ETV6: variants seen among roughly 807,000 people sequenced by gnomAD.
ETV6 encodes ETS variant transcription factor 6, also known as transcription factor ETV6.
Under a neutral mutation model 51.1 loss-of-function variants are expected in ETV6, and 16 were observed. That is an observed-to-expected ratio of 0.31 (90% CI 0.21 to 0.48). ETV6 has a LOEUF of 0.48. ETV6 is among the 20% of genes least tolerant of loss of function. The probability of loss-of-function intolerance (pLI) is 0.99; values close to 1 mark genes in which losing one functional copy is unlikely to be tolerated. For missense variants in ETV6, 458 were observed against 594.8 expected, an observed-to-expected ratio of 0.77 and a Z score of 2.39; for synonymous variants, 240 against 224.1, an observed-to-expected ratio of 1.07 and a Z score of -0.64.
intron 2 of ETV6, among the ~76,000 whole-genome samples, chr12:11,783,954 C>T (rs958797691): frequency 1.1e-4 from 17 of 152,112 alleles, no homozygotes; most frequent in African/African-American, 1.9e-4. Flanking sequence ...GTCCCCCCAC[C>T]GCGTGGCATC....
chr12:11,885,658 A>C (rs1947172305), intron 6 of ETV6, among the ~76,000 whole-genome samples: 1 of 152,198 alleles, frequency 6.6e-6, no homozygotes, highest in Admixed American at 6.5e-5. Context: ...CTGCTATGGG[A>C]TCTGCTTTAT....
chr12:11,836,710 C>T (rs1299180526), intron 2 of ETV6, among the ~76,000 whole-genome samples: 1 of 152,178 alleles, frequency 6.6e-6, no homozygotes, highest in African/African-American at 2.4e-5. Flanking sequence ...CACCCACCTC[C>T]CTCCGTTGCA....
Position 11,859,118 on chromosome 12 carries a change from G to GCTTTTTT in ETV6, c.463+5557_463+5558insCTTTTTT, listed in dbSNP as rs1565555150. 2.1e-3 allele frequency among the ~76,000 whole-genome samples: 88 copies of GCTTTTTT among 41,800 alleles called. 43 individuals are homozygous for GCTTTTTT. Among genetic ancestry groups the GCTTTTTT allele is most frequent in the African/African-American group, 4.0e-3 (58 of 14,398 alleles). 27.4% of individuals were successfully genotyped at this position (41,800 alleles called of 152,430 possible). ...TAAAGAAGATGAGGTATATGAATCT[G>GCTTTTTT]GTTTTTTTTTTTTTTTTTTTTTTTT... On this transcript the variant is annotated intron_variant, in intron 4 of 7. Coordinates refer to ENST00000396373, the MANE Select transcript of ETV6 (RefSeq NM_001987.5).
chr12:11,792,778 C>T (rs1945621117), intron 2 of ETV6, among the ~76,000 whole-genome samples: 1 of 151,918 alleles, frequency 6.6e-6, no homozygotes. Flanking sequence ...CCAAACAATT[C>T]TTATTTGCAG....
intron 1 of ETV6, among the ~76,000 whole-genome samples, chr12:11,708,242 T>A (rs374142218): frequency 6.7e-6 from 1 of 150,014 alleles, no homozygotes; most frequent in African/African-American, 2.5e-5. Context: ...AAGTTTAGGG[T>A]TGGGGAGTCT....
intron 1 of ETV6, among the ~76,000 whole-genome samples, chr12:11,676,568 C>G (rs1045234435): frequency 2.6e-5 from 4 of 152,212 alleles, no homozygotes; most frequent in African/African-American, 9.6e-5. Flanking sequence ...CCTTCTATCT[C>G]TCTTATCCCA....
In ETV6 at chr12:11,891,757, T is replaced by C. The variant is rs1205333880; in HGVS notation, c.*711T>C. 1.0e-5 allele frequency: 4 copies of C among 386,546 alleles called. No individual in the cohort carries two copies. Among genetic ancestry groups the C allele is most frequent in the Admixed American group, 7.3e-5 (2 of 27,396 alleles). 23.9% of individuals were successfully genotyped at this position (386,546 alleles called of 1,614,324 possible). ...CAGAGTTCAGCCTCTTGGAGAGTCT[T>C]GGGGATTGTTGGCACCTAAACAGAA... On this transcript the variant is annotated 3_prime_UTR_variant, in exon 8 of 8. Transcript: ENST00000396373.
intron 2 of ETV6, among the ~76,000 whole-genome samples, chr12:11,775,817 C>T (rs1945315388): frequency 6.6e-6 from 1 of 152,204 alleles, no homozygotes; most frequent in Admixed American, 6.5e-5. Context: ...GCGAGGGTTC[C>T]CTGCACTGAG....
intron 1 of ETV6, among the ~76,000 whole-genome samples, chr12:11,683,601 G>A (rs963324118): frequency 6.6e-6 from 1 of 152,046 alleles, no homozygotes; most frequent in South Asian, 2.1e-4. Flanking sequence ...ATTTAACATA[G>A]CTTCATGGTA....
chr12:11,789,430 T>C (rs1336895968), intron 2 of ETV6, among the ~76,000 whole-genome samples: 1 of 152,206 alleles, frequency 6.6e-6, no homozygotes, highest in Non-Finnish European at 1.5e-5. Flanking sequence ...ATAGGTGTGA[T>C]GAGCCTTGAA....
At chr12:11,890,761 ACAGT>A (rs1434891429) in intron 7 of ETV6, among the ~76,000 whole-genome samples, 176 bp from the exon 8 acceptor site, 2 of 152,106 alleles carry the variant, frequency 1.3e-5, no homozygotes, top group East Asian at 1.9e-4. Flanking sequence ...CACTTTTTAG[ACAGT>A]CAGAGAAAGG....
intron 1 of ETV6, among the ~76,000 whole-genome samples, chr12:11,735,954 T>C (rs1745649434): frequency 6.6e-6 from 1 of 152,242 alleles, no homozygotes; most frequent in African/African-American, 2.4e-5. Flanking sequence ...AAGTTTTTAG[T>C]CTTTAAAATG....
At chr12:11,828,444 TC>T (rs1361868893) in intron 2 of ETV6, among the ~76,000 whole-genome samples, 3 of 152,140 alleles carry the variant, frequency 2.0e-5, no homozygotes, top group Non-Finnish European at 4.4e-5. Context: ...TTCGTGTCTC[TC>T]TTTTCTGTTT....
intron 4 of ETV6, among the ~76,000 whole-genome samples, chr12:11,857,217 C>G (rs981058799): frequency 2.0e-5 from 3 of 152,202 alleles, no homozygotes; most frequent in African/African-American, 7.2e-5. Context: ...GCACCAGTTC[C>G]CCACATGTAT....
At chr12:11,819,758 T>C in intron 2 of ETV6, among the ~76,000 whole-genome samples, 1 of 152,246 alleles carries the variant, frequency 6.6e-6, no homozygotes, top group East Asian at 1.9e-4. Context: ...TCTCCATCCC[T>C]TCTGCTTTAG....
At chr12:11,800,117 GTC>G (rs1945725816) in intron 2 of ETV6, among the ~76,000 whole-genome samples, 1 of 152,152 alleles carries the variant, frequency 6.6e-6, no homozygotes, top group Non-Finnish European at 1.5e-5. Context: ...GACCTTGGAA[GTC>G]TCTGGCAGAC....
At chr12:11,825,833 CTT>C (rs752585066) in intron 2 of ETV6, 95 of 128,486 alleles carry the variant, frequency 7.4e-4, no homozygotes, top group Admixed American at 6.4e-4. Context: ...GAAAGCATGC[CTT>C]TTTTTTTTTT....
chr12:11,770,774 C>T lies in ETV6; in HGVS notation c.163+18195C>T, dbSNP rs185673854. On this transcript the variant is annotated intron_variant, in intron 2 of 7. Transcript: ENST00000396373. ...GCTAATGAGTAAGTAACAGCACGTG[C>T]CTGTGGTCCCAGTTATTCAGGAGAC... 3.9e-5 allele frequency among the ~76,000 whole-genome samples: 6 copies of T among 152,256 alleles called. No homozygotes were observed. The East Asian group carries it at 1.2e-3, about 29-fold the overall frequency.
In ETV6 at chr12:11,752,487, T is replaced by C. The variant is rs1424443413; in HGVS notation, c.71T>C (p.Val24Ala). 6.2e-7 allele frequency: 1 copy of C among 1,613,834 alleles called. No individual in the cohort carries two copies. Among genetic ancestry groups the C allele is most frequent in the African/African-American group, 1.3e-5 (1 of 74,890 alleles). ...RISYTPPESP[V>A]PSYASSTPLH... ...TCATATACACCTCCAGAGAGCCCAG[T>C]GCCGAGTTACGCTTCCTCGACGCCA... is the stretch of plus-strand genomic sequence containing the variant. The change falls in exon 2 of 8, where the codon GTG becomes GCG. Residue 24 changes from valine (V) to alanine (A), a missense_variant. By Grantham distance (64) the Val-to-Ala change is moderately conservative. Coordinates refer to ENST00000396373, the MANE Select transcript of ETV6 (RefSeq NM_001987.5).
Sources: allele counts gnomAD v4.1 joint callset (sites outside exome capture counted in the v4.1 genomes callset), GRCh38; gene constraint gnomAD v4.1.1; transcripts MANE v1.5; gene names NCBI Gene and HGNC (gene_info 2026-07-23, HGNC 2026-07-21).